The following FANCA variants were observed in gnomAD, a reference collection of about 807,000 sequenced individuals.
The protein encoded by FANCA is Fanconi anemia group A protein.
A neutral mutation model predicts 194.3 loss-of-function variants in FANCA; 236 were observed. The observed-to-expected ratio is 1.21, with a 90% CI of 1.09 to 1.35. FANCA has a LOEUF of 1.35. Among genes scored for constraint, FANCA ranks in the 40% most tolerant of loss-of-function variants. FANCA has a pLI of 0.00. For missense variants in FANCA, 2,628 were observed against 1,813.9 expected, an observed-to-expected ratio of 1.45 and a Z score of -8.15; for synonymous variants, 1,014 against 715.8, an observed-to-expected ratio of 1.42 and a Z score of -6.65.
chr16:89,756,971 T>C (rs2038788195), intron 30 of FANCA, among the ~76,000 whole-genome samples: 2 of 152,190 alleles, frequency 1.3e-5, no homozygotes, highest in South Asian at 2.1e-4. Flanking sequence ...GCTGGATTTA[T>C]GGTGGAAGAT....
chr16:89,782,974 G>A lies in FANCA; in HGVS notation c.1566+33C>T, dbSNP rs751837166. The A allele has an allele frequency of 5.0e-6, 8 of 1,611,706 alleles. No individual in the cohort carries two copies. In the East Asian group the frequency reaches 1.1e-4, roughly 22 times the overall value. Reference sequence around the variant, plus strand: ...AAACAAAGCAGTTTCTGCTGGGACAGGTGTGAGGAGTGGGCATGGAGGGAC... The same window carrying A: ...AAACAAAGCAGTTTCTGCTGGGACAAGTGTGAGGAGTGGGCATGGAGGGAC... On this transcript the variant is annotated intron_variant, in intron 16 of 42. Coordinates refer to ENST00000389301, the MANE Select transcript of FANCA (RefSeq NM_000135.4).
At chr16:89,795,781 G>T in intron 11 of FANCA, 125 bp downstream of exon 11, 1 of 736,024 alleles carries the variant, frequency 1.4e-6, no homozygotes, top group South Asian at 1.4e-5. Context: ...CCCAGTCTCT[G>T]GTTCAAGACA....
chr16:89,747,472 G>C (rs563914057), intron 33 of FANCA, among the ~76,000 whole-genome samples: 3 of 152,146 alleles, frequency 2.0e-5, no homozygotes, highest in Admixed American at 6.6e-5. Context: ...AGGCCAAGGC[G>C]GGTGGATCAC....
chr16:89,794,647 C>T (rs1277494490), intron 11 of FANCA, among the ~76,000 whole-genome samples: 2 of 152,314 alleles, frequency 1.3e-5, no homozygotes, highest in Non-Finnish European at 1.5e-5. Context: ...CTCCTGAGCA[C>T]CTCACAGCAC....
In FANCA at chr16:89,765,040, G is replaced by C; in HGVS notation, c.2628C>G (p.Phe876Leu). 3 of 1,614,200 alleles carry C rather than the reference G, an allele frequency of 1.9e-6. No homozygotes were observed. The highest frequency in any genetic ancestry group is 2.2e-5 in the East Asian group (1 of 44,890). Residue 876 changes from phenylalanine to leucine, a missense_variant, in exon 28 of 43, where the codon TTC (phenylalanine) becomes TTG (leucine). Coordinates refer to ENST00000389301, the MANE Select transcript of FANCA (RefSeq NM_000135.4). Reference sequence around the variant, plus strand: ...CAGAAAGAGGCTGTCGGGCCTCTGAGAACAATCTGAACATGAGGAACTGAA... The same window carrying C: ...CAGAAAGAGGCTGTCGGGCCTCTGACAACAATCTGAACATGAGGAACTGAA... ...KKFQFLMFRL[F>L]SEARQPLSEE...
chr16:89,769,713 T>C, intron 26 of FANCA, 124 bp downstream of exon 26: 1 of 1,074,606 alleles, frequency 9.3e-7, no homozygotes, highest in South Asian at 1.4e-5. Flanking sequence ...TATACCAAAA[T>C]GCTAAAAAGT....
At chr16:89,752,011 C>T in intron 31 of FANCA, 127 bp downstream of exon 31, 2 of 805,672 alleles carry the variant, frequency 2.5e-6, no homozygotes, top group Non-Finnish European at 2.2e-6. Flanking sequence ...ACTGTGTGAT[C>T]CGCCTGCCTC....
intron 26 of FANCA, among the ~76,000 whole-genome samples, chr16:89,767,558 CT>C (rs897272404): frequency 6.6e-6 from 1 of 150,512 alleles, no homozygotes; most frequent in East Asian, 2.0e-4. Context: ...GTTGTTAGTG[CT>C]TTTTTTTTGA....
chr16:89,807,542 G>A (rs1263419232), intron 6 of FANCA, among the ~76,000 whole-genome samples: 1 of 152,142 alleles, frequency 6.6e-6, no homozygotes, highest in Non-Finnish European at 1.5e-5. Flanking sequence ...CTGAGGTTAG[G>A]AGTTTGACAC....
At chr16:89,752,279 C>G in intron 30 of FANCA, 57 bp from the exon 31 acceptor site, 1 of 1,392,952 alleles carries the variant, frequency 7.2e-7, no homozygotes, top group African/African-American at 1.4e-5. Context: ...GCTGAAGTTC[C>G]CAGTTCTCCT....
chr16:89,773,534 A>G (rs1314904849), intron 21 of FANCA, 150 bp from the exon 22 acceptor site: 7 of 654,584 alleles, frequency 1.1e-5, no homozygotes, highest in Admixed American at 4.7e-5. Flanking sequence ...CTGAGGAGGT[A>G]AATGAGGTGT....
chr16:89,750,762 AAAAC>A (rs1282622078), intron 31 of FANCA, among the ~76,000 whole-genome samples: 1 of 152,084 alleles, frequency 6.6e-6, no homozygotes, highest in Non-Finnish European at 1.5e-5. Context: ...CTCTGTCTCA[AAAAC>A]AAACAGACAA....
intron 3 of FANCA, among the ~76,000 whole-genome samples, chr16:89,811,767 G>A (rs1167951369): frequency 1.3e-5 from 2 of 152,080 alleles, no homozygotes; most frequent in East Asian, 3.9e-4. Flanking sequence ...GTCTTACACT[G>A]CCGCCTGGAC....
rs866401518 is a variant in FANCA, at chr16:89,750,500, A to C, written c.3067-598T>G. ...TCCGTCTCAAAAAAAAACAAACAAAAAAAAACAGCCAGGTATGGTGGCTCA... is the reference window on the plus strand; with the variant it reads ...TCCGTCTCAAAAAAAAACAAACAAACAAAAACAGCCAGGTATGGTGGCTCA... On this transcript the variant is annotated intron_variant, in intron 31 of 42. Transcript: ENST00000389301. Among the ~76,000 whole-genome samples, 54 of 151,098 alleles carry C rather than the reference A, an allele frequency of 3.6e-4. 2 individuals are homozygous for C. The highest frequency in any genetic ancestry group is 1.3e-3 in the African/African-American group (53 of 41,236).
chr16:89,793,274 G>A (rs575344389), intron 11 of FANCA, among the ~76,000 whole-genome samples: 84 of 152,274 alleles, frequency 5.5e-4, no homozygotes, highest in Non-Finnish European at 8.7e-4. Flanking sequence ...AGACGCTGCC[G>A]TCACCGCTAG....
rs1417768931 is a variant in FANCA, at chr16:89,791,537, C to G, written c.1226-1G>C. 4 of 1,614,030 alleles carry G rather than the reference C, an allele frequency of 2.5e-6. No homozygotes were observed. Among genetic ancestry groups the G allele is most frequent in the Non-Finnish European group, 3.4e-6 (4 of 1,180,018 alleles). On this transcript the variant is annotated splice_acceptor_variant, in intron 13 of 42. Transcript: ENST00000389301. LOFTEE classifies it high-confidence loss of function. Reference sequence around the variant, plus strand: ...TGGGCCATCAAACGCGCCACCCAGTCTAGTTAAGAACCATGACATAGTCAC... The same window carrying G: ...TGGGCCATCAAACGCGCCACCCAGTGTAGTTAAGAACCATGACATAGTCAC...
At chr16:89,739,908 CAAG>C in intron 39 of FANCA, 83 bp downstream of exon 39, 1 of 1,589,362 alleles carries the variant, frequency 6.3e-7, no homozygotes, top group Non-Finnish European at 8.6e-7. Context: ...CAAGGAACCT[CAAG>C]GAGGGCTCGT....
At chr16:89,777,030 C>T (rs1259813625) in intron 20 of FANCA, among the ~76,000 whole-genome samples, 2 of 151,764 alleles carry the variant, frequency 1.3e-5, no homozygotes, top group African/African-American at 2.4e-5. Flanking sequence ...GGCAACACAG[C>T]GAAAATCCGT....
intron 27 of FANCA, among the ~76,000 whole-genome samples, chr16:89,765,516 G>A (rs1331764831): frequency 6.6e-6 from 1 of 152,270 alleles, no homozygotes; most frequent in Non-Finnish European, 1.5e-5. Context: ...CTAAATGTCT[G>A]GAAGCAGAAT....
Sources: allele counts gnomAD v4.1 joint callset (sites outside exome capture counted in the v4.1 genomes callset), GRCh38; gene constraint gnomAD v4.1.1; transcripts MANE v1.5; gene names NCBI Gene and HGNC (gene_info 2026-07-23, HGNC 2026-07-21).